Variants in ALKBH1 observed in about 807,000 individuals in gnomAD.
ALKBH1 encodes alkB homolog 1, histone H2A dioxygenase.
A neutral mutation model predicts 36.6 loss-of-function variants in ALKBH1; 31 were observed. The ratio of observed to expected loss-of-function variants is 0.85; its 90% CI spans 0.64 to 1.14. The LOEUF is 1.14. ALKBH1 is among the 50% of genes most tolerant of loss of function. The pLI is 0.00. For missense variants in ALKBH1, 490 were observed against 497.3 expected (o/e 0.99, Z 0.14); for synonymous variants, 183 against 186.6 (o/e 0.98, Z 0.16).
intron 2 of ALKBH1, among the ~76,000 whole-genome samples, chr14:77,698,003 A>G (rs1393090825): frequency 6.6e-6 from 1 of 152,112 alleles, no homozygotes; most frequent in African/African-American, 2.4e-5. Context: ...ACAAAAACAG[A>G]CTGCCTCAAA....
Position 77,673,737 on chromosome 14 carries a change from T to C in ALKBH1, c.*75A>G. 3.4e-6 allele frequency: 5 copies of C among 1,458,096 alleles called. No homozygotes were observed. Among genetic ancestry groups the C allele is most frequent in the Non-Finnish European group, 4.7e-6 (5 of 1,071,900 alleles). 90.3% of individuals were successfully genotyped at this position (1,458,096 alleles called of 1,614,324 possible). On this transcript the variant is annotated 3_prime_UTR_variant, in exon 6 of 6. Coordinates refer to ENST00000216489, the MANE Select transcript of ALKBH1 (RefSeq NM_006020.3). The stretch of plus-strand genomic sequence containing the variant: ...TTTTTGGCTTGTCTGGGTGCTGAAG[T>C]CCACGGCAATACACAATAACATGAT...
At chr14:77,706,619 C>T (rs1457902645) in intron 1 of ALKBH1, among the ~76,000 whole-genome samples, 1 of 152,126 alleles carries the variant, frequency 6.6e-6, no homozygotes, top group African/African-American at 2.4e-5. Flanking sequence ...TGTTTTAGGT[C>T]CTGTACTAGA....
At chr14:77,705,411 G>GAAAAAAAAAAAAAAAA (rs56123313) in intron 1 of ALKBH1, among the ~76,000 whole-genome samples, 1 of 113,394 alleles carries the variant, frequency 8.8e-6, no homozygotes. Flanking sequence ...CTCCGTCTAA[G>GAAAAAAAAAAAAAAAA]AAAAAAAAAA....
At chr14:77,694,209 C>T (rs7151514) in intron 3 of ALKBH1, among the ~76,000 whole-genome samples, 144,706 of 152,254 alleles carry the variant, frequency 0.95, 68,872 homozygotes, top group Non-Finnish European at 0.97. Context: ...CTGTGTCCAA[C>T]GCCTAGCATC....
At chr14:77,683,564 C>T (rs1595050515) in intron 3 of ALKBH1, 3 of 524,840 alleles carry the variant, frequency 5.7e-6, no homozygotes, top group East Asian at 3.8e-5. Flanking sequence ...CCCTTAATGT[C>T]GACAACATCA....
At chr14:77,699,721 A>G (rs1294870922) in intron 2 of ALKBH1, among the ~76,000 whole-genome samples, 1 of 152,186 alleles carries the variant, frequency 6.6e-6, no homozygotes, top group Non-Finnish European at 1.5e-5. Context: ...CAAAACCAGT[A>G]AGCCCACATA....
intron 3 of ALKBH1, among the ~76,000 whole-genome samples, chr14:77,680,995 A>C (rs2080234906): frequency 6.6e-6 from 1 of 152,206 alleles, no homozygotes; most frequent in Admixed American, 6.5e-5. Context: ...TTTTCTAAAA[A>C]GGAAGCTTGT....
At chr14:77,703,458 AT>A (rs796277792) in intron 2 of ALKBH1, among the ~76,000 whole-genome samples, 2 of 151,636 alleles carry the variant, frequency 1.3e-5, no homozygotes, top group African/African-American at 2.4e-5. Flanking sequence ...TGCCCGGCTA[AT>A]TTTGTTTTTG....
chr14:77,688,417 G>A (rs376465676), intron 3 of ALKBH1, among the ~76,000 whole-genome samples: 12 of 151,912 alleles, frequency 7.9e-5, no homozygotes, highest in Admixed American at 3.3e-4. Flanking sequence ...TGCCATGTCC[G>A]GATAATTTTT....
At chr14:77,687,437 T>A (rs2080273894) in intron 3 of ALKBH1, among the ~76,000 whole-genome samples, 1 of 152,210 alleles carries the variant, frequency 6.6e-6, no homozygotes, top group Non-Finnish European at 1.5e-5. Flanking sequence ...GAATAGACAA[T>A]AAAAACATTT....
Position 77,694,906 on chromosome 14 carries a change from C to A in ALKBH1, c.293-6G>T. 1 of 1,495,314 alleles carries A rather than the reference C, an allele frequency of 6.7e-7. No homozygotes were observed. The highest frequency in any genetic ancestry group is 1.4e-5 in the South Asian group (1 of 69,990). The allele number at this position is 1,495,314 out of a possible 1,614,324, so 92.6% of individuals were successfully genotyped here. A position where few individuals can be genotyped will look rare whatever the true frequency, so the allele number is the denominator to read the frequency against. ...GTTTGGGATAAAAATAAACCCTATA[C>A]AAAAGATGGGTGGGAAAAAAAGAAG... On this transcript the variant is annotated splice_polypyrimidine_tract_variant and splice_region_variant and intron_variant, in intron 2 of 5. Coordinates refer to ENST00000216489, the MANE Select transcript of ALKBH1 (RefSeq NM_006020.3).
At chr14:77,686,590 A>C (rs2080269558) in intron 3 of ALKBH1, among the ~76,000 whole-genome samples, 1 of 152,114 alleles carries the variant, frequency 6.6e-6, no homozygotes, top group Non-Finnish European at 1.5e-5. Flanking sequence ...GTCATGGGTA[A>C]GCGCCTTATG....
At chr14:77,704,520 G>A (rs1294621193) in intron 1 of ALKBH1, 43 bp from the exon 2 acceptor site, 8 of 1,525,238 alleles carry the variant, frequency 5.2e-6, no homozygotes, top group Non-Finnish European at 7.3e-6. Context: ...AATCTATTTT[G>A]CAGGTCAACC....
intron 3 of ALKBH1, among the ~76,000 whole-genome samples, chr14:77,688,893 CT>C (rs974069660): frequency 6.6e-6 from 1 of 152,048 alleles, no homozygotes; most frequent in Non-Finnish European, 1.5e-5. Context: ...CTTAATTGTG[CT>C]TTTTGCAACC....
chr14:77,697,873 C>T (rs527242225), intron 2 of ALKBH1, among the ~76,000 whole-genome samples: 4 of 151,800 alleles, frequency 2.6e-5, no homozygotes, highest in Admixed American at 6.6e-5. Context: ...ATTAGCCAGG[C>T]GTGGTGGCAT....
chr14:77,691,865 C>T (rs1369471403), intron 3 of ALKBH1: 4 of 152,140 alleles, frequency 2.6e-5, no homozygotes, highest in African/African-American at 9.7e-5. Context: ...GCAGTAGGTT[C>T]TCTTGGACTA....
At position 77,673,762 on chromosome 14, in the gene ALKBH1, T is replaced by A. The variant is rs750315632; in HGVS notation, c.*50A>T. ...TCCACGGCAATACACAATAACATGA[T>A]CATTTACGGTAAGCAGGTGCCTGAG... On this transcript the variant is annotated 3_prime_UTR_variant, in exon 6 of 6. Transcript: ENST00000216489. 8.4e-6 allele frequency: 13 copies of A among 1,549,164 alleles called. No homozygotes were observed. In the Middle Eastern group the frequency reaches 1.1e-3, roughly 126 times the overall value.
At chr14:77,700,291 G>T (rs2080352449) in intron 2 of ALKBH1, among the ~76,000 whole-genome samples, 1 of 152,084 alleles carries the variant, frequency 6.6e-6, no homozygotes, top group Admixed American at 6.5e-5. Flanking sequence ...GATTCTTGCA[G>T]ATATAGAAAA....
intron 2 of ALKBH1, among the ~76,000 whole-genome samples, chr14:77,698,819 G>A (rs1196905253): frequency 6.6e-6 from 1 of 152,126 alleles, no homozygotes; most frequent in East Asian, 1.9e-4. Context: ...CACAATCTTG[G>A]CTCACTGCCA....
Sources: allele counts gnomAD v4.1 joint callset (sites outside exome capture counted in the v4.1 genomes callset), GRCh38; gene constraint gnomAD v4.1.1; transcripts MANE v1.5; gene names NCBI Gene and HGNC (gene_info 2026-07-23, HGNC 2026-07-21).